The following TUSC3 variants were observed in gnomAD, a reference collection of about 807,000 sequenced individuals.
TUSC3 encodes the protein dolichyl-diphosphooligosaccharide--protein glycosyltransferase subunit TUSC3.
In TUSC3, 45 loss-of-function variants were observed where a neutral mutation model predicts 44.8. The observed-to-expected ratio is 1.00, with a 90% CI of 0.79 to 1.29. TUSC3 has a LOEUF of 1.29. TUSC3 is among the 50% of genes most tolerant of loss of function. The probability of loss-of-function intolerance (pLI) is 0.00; values close to 1 mark genes in which losing one functional copy is unlikely to be tolerated. For synonymous variants in TUSC3, 212 were observed against 152.9 expected, an observed-to-expected ratio of 1.39 and a Z score of -2.85; for missense variants, 519 against 437.9, an observed-to-expected ratio of 1.19 and a Z score of -1.65.
At chr8:15,641,766 G>C (rs1185312190) in intron 2 of TUSC3, among the ~76,000 whole-genome samples, 2 of 152,114 alleles carry the variant, frequency 1.3e-5, no homozygotes, top group Admixed American at 1.3e-4. Flanking sequence ...TGTTACCTAT[G>C]TTCTTTCTAC....
intron 2 of TUSC3, among the ~76,000 whole-genome samples, chr8:15,513,338 T>C (rs62502476): frequency 0.083 from 12,577 of 152,148 alleles, 765 homozygotes; most frequent in East Asian, 0.28. Context: ...AAATGACCAT[T>C]AATGAGGAGA....
intron 7 of TUSC3, among the ~76,000 whole-genome samples, chr8:15,743,268 T>G (rs1811271988): frequency 6.6e-6 from 1 of 152,236 alleles, no homozygotes; most frequent in African/African-American, 2.4e-5. Context: ...CCATATAGTT[T>G]ATATGTGCTG....
rs727504212 is a variant in TUSC3 at position 15,743,583 on chromosome 8, C to T, written c.908C>T (p.Thr303Ile). 1.2e-6 allele frequency: 2 copies of T among 1,613,922 alleles called. No individual in the cohort carries two copies. The highest frequency in any genetic ancestry group is 1.1e-5 in the South Asian group (1 of 91,074). ...MGMVLLNEAA[T>I]SKGDVGKRRI... Reference sequence around the variant, plus strand: ...ATGGTTCTTCTAAATGAAGCAGCAACTTCGAAAGGCGATGTTGGAAAAAGA... The same window carrying T: ...ATGGTTCTTCTAAATGAAGCAGCAATTTCGAAAGGCGATGTTGGAAAAAGA... Residue 303 changes from threonine (T) to isoleucine (I), a missense_variant, in exon 8 of 11, where the codon ACT becomes ATT. Physicochemically the swap from Thr to Ile is moderately conservative, Grantham distance 89 (BLOSUM62 -1). Transcript: ENST00000503731.
chr8:15,540,115 C>A (rs1801623112), upstream of TUSC3: 3 of 330,572 alleles, frequency 9.1e-6, no homozygotes, highest in Non-Finnish European at 5.5e-6. Context: ...CAAAGGACCA[C>A]TCCTCTCCTC....
intron 6 of TUSC3, among the ~76,000 whole-genome samples, chr8:15,705,482 A>T (rs767856609): frequency 2.0e-5 from 3 of 152,128 alleles, no homozygotes; most frequent in Non-Finnish European, 2.9e-5. Flanking sequence ...ATAAAAATTT[A>T]TATAAACTCT....
intron 7 of TUSC3, among the ~76,000 whole-genome samples, chr8:15,735,123 A>G (rs1409112529): frequency 3.3e-5 from 5 of 152,266 alleles, no homozygotes; most frequent in Admixed American, 3.3e-4. Context: ...CAGAAAGCCA[A>G]TGGAGGCTTG....
chr8:15,822,191 A>G, the TUSC3 span, among the ~76,000 whole-genome samples: 2 of 152,168 alleles, frequency 1.3e-5, no homozygotes, highest in Non-Finnish European at 2.9e-5. Context: ...ATAGAAAAAA[A>G]CGGGTGAACT....
chr8:15,431,724 G>A (rs1193587193), intron 1 of TUSC3, among the ~76,000 whole-genome samples: 1 of 151,374 alleles, frequency 6.6e-6, no homozygotes, highest in African/African-American at 2.4e-5. Flanking sequence ...GTAAGACTGG[G>A]CAACTTTGTC....
At chr8:15,617,900 A>G (rs1036145552) in intron 1 of TUSC3, among the ~76,000 whole-genome samples, 3 of 152,182 alleles carry the variant, frequency 2.0e-5, no homozygotes, top group East Asian at 1.9e-4. Context: ...CGAAACCTAG[A>G]TGGTATAGTC....
chr8:15,441,857 C>G (rs1432654754), intron 1 of TUSC3, among the ~76,000 whole-genome samples: 1 of 152,116 alleles, frequency 6.6e-6, no homozygotes, highest in Non-Finnish European at 1.5e-5. Flanking sequence ...ACAATGTCAA[C>G]CAAACAAGTG....
At chr8:15,657,336 T>C (rs1026016540) in intron 3 of TUSC3, among the ~76,000 whole-genome samples, 1 of 152,184 alleles carries the variant, frequency 6.6e-6, no homozygotes, top group Non-Finnish European at 1.5e-5. Flanking sequence ...CCATACTGCA[T>C]CCAGAATGTT....
chr8:15,474,240 C>A (rs903241292), intron 1 of TUSC3, among the ~76,000 whole-genome samples: 1 of 152,062 alleles, frequency 6.6e-6, no homozygotes. Context: ...TTATTCTGTT[C>A]TTTTTCAAGG....
At chr8:15,692,386 T>TG (rs1808953950) in intron 6 of TUSC3, among the ~76,000 whole-genome samples, 1 of 142,248 alleles carries the variant, frequency 7.0e-6, no homozygotes, top group Non-Finnish European at 1.5e-5. Context: ...TTTTTTTTTT[T>TG]TTTTTTTTTT....
upstream of TUSC3, among the ~76,000 whole-genome samples, chr8:15,537,141 T>C (rs1318780544): frequency 1.0e-4 from 5 of 47,668 alleles, no homozygotes; most frequent in African/African-American, 2.8e-4. Context: ...CAACCTGCTC[T>C]CTCTCTCTCT....
At chr8:15,820,310 C>CTTTT in the TUSC3 span, among the ~76,000 whole-genome samples, 3 of 97,566 alleles carry the variant, frequency 3.1e-5, no homozygotes, top group Non-Finnish European at 4.3e-5. Flanking sequence ...ATCTGTAATT[C>CTTTT]TTTTTTTTTT....
chr8:15,587,272 A>T (rs576642096), intron 1 of TUSC3, among the ~76,000 whole-genome samples: 1 of 152,148 alleles, frequency 6.6e-6, no homozygotes, highest in African/African-American at 2.4e-5. Flanking sequence ...CCTGATCTTG[A>T]GTTTATTTTT....
chr8:15,691,891 G>A (rs1808916716), intron 6 of TUSC3, among the ~76,000 whole-genome samples: 1 of 151,900 alleles, frequency 6.6e-6, no homozygotes. Flanking sequence ...CAATTCTCTT[G>A]CCTCAGCCTC....
intron 2 of TUSC3, among the ~76,000 whole-genome samples, chr8:15,528,075 C>T (rs1000867444): frequency 4.6e-5 from 7 of 152,040 alleles, no homozygotes; most frequent in Non-Finnish European, 8.8e-5. Flanking sequence ...TGAACTCTTA[C>T]AGGAAACCAG....
chr8:15,714,729 G>T (rs750466395), intron 6 of TUSC3, among the ~76,000 whole-genome samples: 6 of 152,056 alleles, frequency 3.9e-5, no homozygotes, highest in Non-Finnish European at 7.4e-5. Context: ...GTTTGATAAA[G>T]AATCAGTAAA....
Sources: gnomAD v4.1 joint callset for allele counts (sites outside exome capture counted in the v4.1 genomes callset) on GRCh38, gnomAD v4.1.1 for gene constraint, MANE v1.5 for transcripts, NCBI Gene and HGNC (gene_info 2026-07-23, HGNC 2026-07-21) for gene names.